SFXN1: variants seen among roughly 807,000 people sequenced by gnomAD.
SFXN1 encodes the protein sideroflexin 1.
Under a neutral mutation model 39.5 loss-of-function variants are expected in SFXN1, and 32 were observed. The ratio of observed to expected loss-of-function variants is 0.81; its 90% CI spans 0.61 to 1.09. The LOEUF (loss-of-function observed/expected upper bound fraction) is 1.09. SFXN1 is among the 50% of genes least tolerant of loss of function. SFXN1 has a pLI of 0.00. For synonymous variants in SFXN1, 136 were observed against 146.5 expected, an observed-to-expected ratio of 0.93 and a Z score of 0.52; for missense variants, 402 against 407.1, an observed-to-expected ratio of 0.99 and a Z score of 0.11.
chr5:175,510,207 A>G lies in SFXN1; in HGVS notation c.434A>G (p.Asn145Ser). 6.2e-7 allele frequency: 1 copy of G among 1,609,248 alleles called. No individual in the cohort carries two copies. The highest frequency in any genetic ancestry group is 8.5e-7 in the Non-Finnish European group (1 of 1,177,384). The change falls in exon 4 of 11, where the codon AAT becomes AGT. Residue 145 changes from asparagine to serine, a missense_variant and splice_region_variant. Coordinates refer to ENST00000321442, the MANE Select transcript of SFXN1 (RefSeq NM_022754.7). ...NRSGDAPLTV[N>S]ELGTAYVSAT... ...AGTGGAGACGCACCCCTCACTGTCA[A>G]GTAAGGCTACGAGAATTGACCACTC...
chr5:175,511,896 C>T (rs547176747), intron 5 of SFXN1, among the ~76,000 whole-genome samples: 3 of 152,280 alleles, frequency 2.0e-5, no homozygotes, highest in Admixed American at 6.5e-5. Flanking sequence ...TGCAACCACA[C>T]TTAGCTACAA....
At position 175,524,829 on chromosome 5, in the gene SFXN1, AAG is replaced by A. The variant is rs774835489; in HGVS notation, c.873-1806_873-1805del. Among the ~76,000 whole-genome samples the A allele has an allele frequency of 2.2e-4, 33 of 152,328 alleles. 1 individual carries two copies. Among genetic ancestry groups the A allele is most frequent in the East Asian group, 7.7e-4 (4 of 5,180 alleles). On this transcript the variant is annotated intron_variant, in intron 10 of 10. Transcript: ENST00000321442. ...AAAAGTACAAATAATATGAATGAAA[AAG>A]AGGTATAACTGTAGGTTCAGCAGTG...
At chr5:175,522,512 A>G in intron 10 of SFXN1, 90 bp downstream of exon 10, 1 of 1,328,822 alleles carries the variant, frequency 7.5e-7, no homozygotes, top group Non-Finnish European at 1.1e-6. Context: ...TTTCATTGGC[A>G]GGGAAGTTGA....
chr5:175,492,023 T>C, intron 1 of SFXN1, 72 bp from the exon 2 acceptor site: 2 of 1,194,854 alleles, frequency 1.7e-6, no homozygotes, highest in East Asian at 2.6e-5. Context: ...AAATTTAAGG[T>C]GACTGTAAAG....
intron 2 of SFXN1, among the ~76,000 whole-genome samples, chr5:175,493,213 A>G (rs889305802): frequency 6.6e-6 from 1 of 151,770 alleles, no homozygotes; most frequent in African/African-American, 2.4e-5. Flanking sequence ...GGATCGTGCC[A>G]CTCGCCACTG....
chr5:175,524,123 AAAATATATATATATATATAT>A (rs1293660377), intron 10 of SFXN1: 403 of 25,350 alleles, frequency 0.016, 2 homozygotes, highest in Middle Eastern at 0.025. Flanking sequence ...AAAAAAAAAA[AAAATATATATATATATATAT>A]ATATATATAT....
At chr5:175,506,555 A>C (rs1414350857) in intron 2 of SFXN1, among the ~76,000 whole-genome samples, 1 of 152,204 alleles carries the variant, frequency 6.6e-6, no homozygotes, top group African/African-American at 2.4e-5. Context: ...TCCTTTACAA[A>C]TGGAGTAAAA....
chr5:175,505,772 C>T (rs1760270639), intron 2 of SFXN1, among the ~76,000 whole-genome samples: 1 of 152,060 alleles, frequency 6.6e-6, no homozygotes, highest in Non-Finnish European at 1.5e-5. Context: ...CACAAACTCT[C>T]AACTGATGCA....
At chr5:175,504,709 T>A (rs566415691) in intron 2 of SFXN1, among the ~76,000 whole-genome samples, 106 of 152,314 alleles carry the variant, frequency 7.0e-4, no homozygotes, top group Non-Finnish European at 1.4e-3. Context: ...CATTGTTTTT[T>A]ATTCACTTCA....
intron 2 of SFXN1, among the ~76,000 whole-genome samples, chr5:175,500,357 G>C (rs1328603690): frequency 7.1e-6 from 1 of 141,534 alleles, no homozygotes; most frequent in Non-Finnish European, 1.5e-5. Flanking sequence ...AAAATATTAA[G>C]TACTTAGAGA....
Position 175,513,501 on chromosome 5 carries a change from G to T in SFXN1, c.635G>T (p.Gly212Val). The T allele has an allele frequency of 3.1e-6, 5 of 1,613,876 alleles. No homozygotes were observed. Among genetic ancestry groups the T allele is most frequent in the Non-Finnish European group, 4.2e-6 (5 of 1,179,932 alleles). Residue 212 changes from glycine to valine, a missense_variant, in exon 7 of 11, where the codon GGG becomes GTG. Transcript: ENST00000321442. ...KVGIPVTDEN[G>V]NRLGESANAA... ...GGCATTCCCGTCACGGATGAGAATG[G>T]GAACCGCTTGGGGGAGTCGGCGAAC...
At chr5:175,511,841 A>ATCTCTCTCTCTC (rs146338435) in intron 5 of SFXN1, among the ~76,000 whole-genome samples, 2 of 94,416 alleles carry the variant, frequency 2.1e-5, no homozygotes, top group African/African-American at 1.2e-4. Context: ...AGGCAAGAGC[A>ATCTCTCTCTCTC]TCTCTCTCTC....
rs3049011 is a variant in SFXN1 at position 175,505,537 on chromosome 5, CAATAAT to C, written c.165-3464_165-3459del. 1.5e-3 allele frequency among the ~76,000 whole-genome samples: 222 copies of C among 143,856 alleles called. 1 individual carries two copies. The highest frequency in any genetic ancestry group is 7.1e-3 in the Middle Eastern group (2 of 280). The allele number at this position is 143,856 out of a possible 152,430, so 94.4% of individuals were successfully genotyped here. On this transcript the variant is annotated intron_variant, in intron 2 of 10. Transcript: ENST00000321442. ...GGGCGACAAGAGTGCAACTCCATCA[CAATAAT>C]AATAATAATAATAATAATAATAATA... is the stretch of plus-strand genomic sequence containing the variant.
intron 1 of SFXN1, among the ~76,000 whole-genome samples, chr5:175,484,920 G>C (rs1371196521): frequency 6.6e-6 from 1 of 152,168 alleles, no homozygotes; most frequent in Non-Finnish European, 1.5e-5. Context: ...TTTAAGTGGG[G>C]CTCCTGTTTT....
At chr5:175,520,423 G>C (rs556817628) in intron 8 of SFXN1, among the ~76,000 whole-genome samples, 7 of 152,122 alleles carry the variant, frequency 4.6e-5, no homozygotes, top group Non-Finnish European at 1.0e-4. Flanking sequence ...TGGTTGCAAG[G>C]TAGGGGTGAA....
At chr5:175,498,272 A>G (rs1260077259) in intron 2 of SFXN1, among the ~76,000 whole-genome samples, 2 of 152,234 alleles carry the variant, frequency 1.3e-5, no homozygotes. Flanking sequence ...GGAAAATAGT[A>G]AACCCTGCAA....
intron 2 of SFXN1, among the ~76,000 whole-genome samples, chr5:175,493,635 A>G (rs543005551): frequency 1.3e-5 from 2 of 152,364 alleles, no homozygotes; most frequent in East Asian, 3.9e-4. Context: ...AGACAACTGC[A>G]TGGTTGAAAA....
intron 2 of SFXN1, among the ~76,000 whole-genome samples, chr5:175,502,387 T>A (rs1272354119): frequency 6.6e-6 from 1 of 152,222 alleles, no homozygotes; most frequent in Non-Finnish European, 1.5e-5. Flanking sequence ...ACTGAATTCC[T>A]TCCCAAGGTT....
chr5:175,512,138 G>T lies in SFXN1; in HGVS notation c.538G>T (p.Val180Phe), dbSNP rs1435542478. 3 of 1,614,118 alleles carry T rather than the reference G, an allele frequency of 1.9e-6. 1 individual carries two copies. The highest frequency in any genetic ancestry group is 1.6e-4 in the Middle Eastern group (1 of 6,062). ...TGTCTCACCACTGATAGGACGTTTT[G>T]TTCCCTTTGCTGCCGTAGCTGCTGC... ...KHVSPLIGRF[V>F]PFAAVAAANC... is the part of the protein sequence containing the mutation. The change falls in exon 6 of 11, where the codon GTT (valine) becomes TTT (phenylalanine). Residue 180 changes from valine (V) to phenylalanine (F), a missense_variant. Val to Phe is a conservative substitution (Grantham distance 50). Coordinates refer to ENST00000321442, the MANE Select transcript of SFXN1 (RefSeq NM_022754.7).
Sources: allele counts gnomAD v4.1 joint callset (sites outside exome capture counted in the v4.1 genomes callset), GRCh38; gene constraint gnomAD v4.1.1; transcripts MANE v1.5; gene names NCBI Gene and HGNC (gene_info 2026-07-23, HGNC 2026-07-21).